The following COL21A1 variants were observed in gnomAD, a reference collection of about 807,000 sequenced individuals.
COL21A1 encodes collagen alpha-1(XXI) chain.
Under a neutral mutation model 137.9 loss-of-function variants are expected in COL21A1, and 149 were observed. That is an observed-to-expected ratio of 1.08 (90% CI 0.95 to 1.24). The LOEUF (loss-of-function observed/expected upper bound fraction) is 1.24, where lower values mean the gene tolerates loss of function less well. COL21A1 is among the 50% of genes most tolerant of loss of function. The pLI is 0.00. For synonymous variants in COL21A1, 456 were observed against 391.5 expected (o/e 1.16, Z -1.95); for missense variants, 1,167 against 1,158.4 (o/e 1.01, Z -0.11).
At chr6:56,240,980 A>C (rs1278777251) in intron 1 of COL21A1, among the ~76,000 whole-genome samples, 1 of 152,172 alleles carries the variant, frequency 6.6e-6, no homozygotes, top group Non-Finnish European at 1.5e-5. Context: ...TGCTTCCATT[A>C]AGAGCTCTGC....
rs1468822251 is a variant in COL21A1 at position 56,339,817 on chromosome 6, T to C, written c.-39+54154A>G. On this transcript the variant is annotated intron_variant, in intron 1 of 28. Transcript: ENST00000370819. ...CTCAACTGAAAGTATACCTTCCACA[T>C]CTGGTTTTGTCATCATTCTTTAATG... 2.0e-5 allele frequency among the ~76,000 whole-genome samples: 3 copies of C among 152,350 alleles called. No homozygotes were observed. The East Asian group carries it at 5.8e-4, about 29-fold the overall frequency.
chr6:56,305,175 A>G lies in COL21A1; in HGVS notation c.-39+88796T>C, dbSNP rs570108594. Among the ~76,000 whole-genome samples the G allele has an allele frequency of 8.5e-5, 13 of 152,220 alleles. No individual in the cohort carries two copies. The South Asian group carries it at 2.7e-3, about 32-fold the overall frequency. On this transcript the variant is annotated intron_variant, in intron 1 of 28. Transcript: ENST00000370819. ...CAACTATGTGGTCAATTTTGGAATA[A>G]GTGTGGTGTGGTGCTGAGAAGAATG...
intron 25 of COL21A1, 108 bp downstream of exon 25, chr6:56,061,541 T>A: frequency 1.7e-6 from 1 of 593,828 alleles, no homozygotes; most frequent in Non-Finnish European, 2.8e-6. Context: ...ATGAAAAACA[T>A]TTCGTTTTCT....
chr6:56,325,990 G>A (rs1464096690), intron 1 of COL21A1, among the ~76,000 whole-genome samples: 760 of 2,308 alleles, frequency 0.33, 144 homozygotes, highest in South Asian at 0.71. Context: ...TATAATATAT[G>A]TATATACATA....
intron 1 of COL21A1, among the ~76,000 whole-genome samples, chr6:56,307,091 C>G (rs1764479553): frequency 6.6e-6 from 1 of 152,194 alleles, no homozygotes; most frequent in African/African-American, 2.4e-5. Context: ...GAAGTTTTGT[C>G]TCAGAGAAGT....
chr6:56,376,153 G>A (rs1218607160), intron 1 of COL21A1, among the ~76,000 whole-genome samples: 1 of 152,174 alleles, frequency 6.6e-6, no homozygotes, highest in Admixed American at 6.5e-5. Flanking sequence ...GGAGTAGAGG[G>A]TTTTAAGAGG....
chr6:56,080,064 T>C (rs1315952823), intron 17 of COL21A1, among the ~76,000 whole-genome samples: 2 of 151,876 alleles, frequency 1.3e-5, no homozygotes, highest in South Asian at 2.1e-4. Flanking sequence ...GCTCCCAATA[T>C]GTGTATTGAA....
At chr6:56,274,651 A>G (rs146579986) in intron 1 of COL21A1, among the ~76,000 whole-genome samples, 1 of 152,200 alleles carries the variant, frequency 6.6e-6, no homozygotes, top group African/African-American at 2.4e-5. Context: ...ATACCTAGGA[A>G]TACAGTTAAC....
chr6:56,319,283 G>C (rs557097385), intron 1 of COL21A1, among the ~76,000 whole-genome samples: 1 of 152,098 alleles, frequency 6.6e-6, no homozygotes, highest in African/African-American at 2.4e-5. Context: ...AGAGTCAAGA[G>C]GGGAAGGAAA....
intron 1 of COL21A1, among the ~76,000 whole-genome samples, chr6:56,361,582 C>A (rs1167889765): frequency 1.3e-5 from 2 of 151,938 alleles, no homozygotes. Flanking sequence ...TAAAGAAGCT[C>A]CAAATCAGAA....
intron 9 of COL21A1, among the ~76,000 whole-genome samples, chr6:56,160,289 A>T (rs1776097945): frequency 6.6e-6 from 1 of 152,256 alleles, no homozygotes; most frequent in Non-Finnish European, 1.5e-5. Context: ...GAATTCTCGT[A>T]ATAATCCTAT....
At chr6:56,161,591 C>T (rs901447121) in intron 9 of COL21A1, among the ~76,000 whole-genome samples, 47 of 152,112 alleles carry the variant, frequency 3.1e-4, no homozygotes, top group African/African-American at 1.1e-3. Flanking sequence ...TTTTATTAAC[C>T]TTTATTGTGA....
intron 1 of COL21A1, among the ~76,000 whole-genome samples, chr6:56,231,388 G>T (rs1193234052): frequency 6.6e-6 from 1 of 151,780 alleles, no homozygotes; most frequent in East Asian, 1.9e-4. Context: ...ACAATATTCA[G>T]TTCTTTCCTG....
At chr6:56,074,211 T>C in intron 20 of COL21A1, 21 bp downstream of exon 20, 2 of 1,557,102 alleles carry the variant, frequency 1.3e-6, no homozygotes, top group Non-Finnish European at 1.7e-6. Context: ...TTCCCAGTCT[T>C]GTTTATTTTA....
At position 56,057,552 on chromosome 6, in the gene COL21A1, G is replaced by T; in HGVS notation, c.*105C>A. On this transcript the variant is annotated 3_prime_UTR_variant, in exon 30 of 30. Transcript: ENST00000244728. The stretch of plus-strand genomic sequence containing the variant: ...AAGAAAAAAAAAATAAAAACACCGA[G>T]GTACTTAAGTTTCTTTTCAAGGGAT... 2 of 1,008,388 alleles carry T rather than the reference G, an allele frequency of 2.0e-6. No homozygotes were observed. The highest frequency in any genetic ancestry group is 2.6e-5 in the East Asian group (1 of 38,170). The allele number at this position is 1,008,388 out of a possible 1,614,324, so 62.5% of individuals were successfully genotyped here. A position where few individuals can be genotyped will look rare whatever the true frequency, so the allele number is the denominator to read the frequency against.
chr6:56,384,675 C>T (rs1009278708), intron 1 of COL21A1, among the ~76,000 whole-genome samples: 1 of 152,120 alleles, frequency 6.6e-6, no homozygotes, highest in Non-Finnish European at 1.5e-5. Flanking sequence ...GATAATATTA[C>T]AGGGCAAATT....
chr6:56,141,162 A>T (rs1181841580), intron 12 of COL21A1, among the ~76,000 whole-genome samples: 1 of 152,164 alleles, frequency 6.6e-6, no homozygotes, highest in Non-Finnish European at 1.5e-5. Context: ...AGCACTATTC[A>T]CAGTAGCCAG....
chr6:56,341,468 C>A (rs1195574170), intron 1 of COL21A1, among the ~76,000 whole-genome samples: 4 of 152,044 alleles, frequency 2.6e-5, no homozygotes, highest in African/African-American at 7.2e-5. Flanking sequence ...AGTAAAGAAG[C>A]CAGTCAGAAG....
At chr6:56,298,751 C>T (rs1268559515) in intron 1 of COL21A1, among the ~76,000 whole-genome samples, 1 of 152,066 alleles carries the variant, frequency 6.6e-6, no homozygotes, top group African/African-American at 2.4e-5. Flanking sequence ...ATACTGCCAG[C>T]CCCATCAACA....
Sources: gnomAD v4.1 joint callset for allele counts (sites outside exome capture counted in the v4.1 genomes callset) on GRCh38, gnomAD v4.1.1 for gene constraint, MANE v1.5 for transcripts, NCBI Gene and HGNC (gene_info 2026-07-23, HGNC 2026-07-21) for gene names.